SIPA1L3: variants seen among roughly 807,000 people sequenced by gnomAD.
SIPA1L3 encodes the protein signal-induced proliferation-associated 1-like protein 3.
SIPA1L3 carries 59 observed loss-of-function variants against 150.1 expected under a neutral mutation model. The ratio of observed to expected loss-of-function variants is 0.39; its 90% CI spans 0.32 to 0.49. The LOEUF (loss-of-function observed/expected upper bound fraction) is 0.49. Ranked by LOEUF, SIPA1L3 falls within the 20% of genes least tolerant of loss-of-function variation. SIPA1L3 has a pLI of 0.86. For synonymous variants in SIPA1L3, 1,070 were observed against 1,077.6 expected, an observed-to-expected ratio of 0.99 and a Z score of 0.14; for missense variants, 2,211 against 2,489.5, an observed-to-expected ratio of 0.89 and a Z score of 2.38.
chr19:38,166,183 C>CGGTGGCTCATTACA (rs1972204863), intron 15 of SIPA1L3, among the ~76,000 whole-genome samples: 1 of 151,590 alleles, frequency 6.6e-6, no homozygotes, highest in Non-Finnish European at 1.5e-5. Flanking sequence ...TGGCTGGAAA[C>CGGTGGCTCATTACA]GGTGGCTCAT....
intron 18 of SIPA1L3, among the ~76,000 whole-genome samples, chr19:38,194,475 C>T (rs879287925): frequency 2.6e-5 from 4 of 152,188 alleles, no homozygotes; most frequent in Non-Finnish European, 5.9e-5. Flanking sequence ...AGTCCCCCTA[C>T]TTAGTGCTAG....
intron 18 of SIPA1L3, among the ~76,000 whole-genome samples, chr19:38,197,003 T>C (rs578149070): frequency 1.3e-5 from 2 of 152,322 alleles, no homozygotes; most frequent in Admixed American, 1.3e-4. Flanking sequence ...GGAAAGCACG[T>C]AGTGTATACC....
intron 18 of SIPA1L3, 60 bp downstream of exon 18, chr19:38,193,840 G>T: frequency 6.8e-7 from 1 of 1,464,450 alleles, no homozygotes; most frequent in South Asian, 1.4e-5. Flanking sequence ...AGGTGGGGAT[G>T]CCCGAGCAGG....
At chr19:38,088,905 G>C in intron 4 of SIPA1L3, 54 bp downstream of exon 4, 2 of 1,593,588 alleles carry the variant, frequency 1.3e-6, no homozygotes, top group Admixed American at 3.4e-5. Context: ...CTCACATCTC[G>C]AGCCAGGTTC....
At chr19:38,027,701 T>TA (rs1293742927) in intron 1 of SIPA1L3, among the ~76,000 whole-genome samples, 1 of 148,058 alleles carries the variant, frequency 6.8e-6, no homozygotes, top group African/African-American at 2.5e-5. Context: ...TTTTTTTTTT[T>TA]AAACAGGGTC....
intron 1 of SIPA1L3, among the ~76,000 whole-genome samples, chr19:37,917,747 G>A (rs2046425175): frequency 6.6e-6 from 1 of 152,164 alleles, no homozygotes; most frequent in Admixed American, 6.5e-5. Context: ...GATCATACCT[G>A]TAATCCTAAC....
intron 1 of SIPA1L3, among the ~76,000 whole-genome samples, chr19:37,951,239 G>A (rs2046761172): frequency 6.6e-6 from 1 of 152,186 alleles, no homozygotes. Context: ...ATTCTTCTTA[G>A]GAAATACCCA....
At position 38,119,434 on chromosome 19, in the gene SIPA1L3, C is replaced by T. The variant is rs767973993; in HGVS notation, c.2420C>T (p.Ala807Val). 55 of 1,614,046 alleles carry T rather than the reference C, an allele frequency of 3.4e-5. No individual in the cohort carries two copies. Among genetic ancestry groups the T allele is most frequent in the Non-Finnish European group, 4.2e-5 (50 of 1,180,044 alleles). ...LAKVINAENA[A>V]HKSDKFHTMA... The stretch of plus-strand genomic sequence containing the variant: ...AAGGTGATTAACGCTGAGAACGCCG[C>T]GCACAAGTCCGACAAGTTCCACACC... Residue 807 changes from alanine to valine, a missense_variant, in exon 9 of 22, where the codon GCG (alanine) becomes GTG (valine). Physicochemically the swap from Ala to Val is moderately conservative, Grantham distance 64. Coordinates refer to ENST00000222345, the MANE Select transcript of SIPA1L3 (RefSeq NM_015073.3).
At chr19:38,087,216 A>G (rs1189793128) in intron 3 of SIPA1L3, among the ~76,000 whole-genome samples, 1 of 152,220 alleles carries the variant, frequency 6.6e-6, no homozygotes, top group Non-Finnish European at 1.5e-5. Context: ...AGTGCCTACT[A>G]TATGCTAGGA....
intron 1 of SIPA1L3, among the ~76,000 whole-genome samples, chr19:37,952,898 ATCCTGGGTGATTGCATACACT>A (rs1240195819): frequency 6.6e-6 from 1 of 152,032 alleles, no homozygotes; most frequent in East Asian, 1.9e-4. Context: ...TTTGAACACC[ATCCTGGGTGATTGCATACACT>A]TCAGAGTGTG....
At chr19:38,177,048 A>G (rs1338308129) in intron 15 of SIPA1L3, among the ~76,000 whole-genome samples, 1 of 152,110 alleles carries the variant, frequency 6.6e-6, no homozygotes, top group Non-Finnish European at 1.5e-5. Flanking sequence ...TGCAAGAAAT[A>G]CAGTGACTTT....
chr19:38,034,488 C>T (rs916585751), intron 2 of SIPA1L3, among the ~76,000 whole-genome samples: 1 of 151,548 alleles, frequency 6.6e-6, no homozygotes, highest in Non-Finnish European at 1.5e-5. Context: ...CTGTTCTTAG[C>T]CACTACACTT....
rs1270784842 is a variant in SIPA1L3, at chr19:38,046,154, A to G, written c.-311+16998A>G. Reference sequence around the variant, plus strand: ...GGTTGAGAGGAGCTTTCTATAGACGAGAAGGTGCCCTGGTTCTCGACTCAT... The same window carrying G: ...GGTTGAGAGGAGCTTTCTATAGACGGGAAGGTGCCCTGGTTCTCGACTCAT... On this transcript the variant is annotated intron_variant, in intron 2 of 21. Coordinates refer to ENST00000222345, the MANE Select transcript of SIPA1L3 (RefSeq NM_015073.3). This position sits in a 1 kb window ranked among gnomAD's most constrained non-coding sequence, Gnocchi z 5.6. 6.6e-6 allele frequency among the ~76,000 whole-genome samples: 1 copy of G among 152,038 alleles called. No individual in the cohort carries two copies. Among genetic ancestry groups the G allele is most frequent in the Non-Finnish European group, 1.5e-5 (1 of 68,010 alleles).
chr19:38,136,333 G>A (rs910290559), intron 10 of SIPA1L3, among the ~76,000 whole-genome samples: 4 of 152,030 alleles, frequency 2.6e-5, no homozygotes, highest in Non-Finnish European at 4.4e-5. Context: ...GCCAGACGCA[G>A]TGGCTCACAC....
intron 1 of SIPA1L3, among the ~76,000 whole-genome samples, chr19:37,918,620 A>C (rs1312412001): frequency 2.0e-5 from 3 of 151,820 alleles, no homozygotes; most frequent in African/African-American, 7.2e-5. Flanking sequence ...CTGTAATCCC[A>C]GCACTTTGGG....
chr19:38,048,867 G>A (rs1400351174), intron 2 of SIPA1L3, among the ~76,000 whole-genome samples: 1 of 152,158 alleles, frequency 6.6e-6, no homozygotes, highest in Admixed American at 6.5e-5. Flanking sequence ...GAGGCGGGCA[G>A]ATCATGAGGT....
At chr19:38,141,127 CA>C in intron 10 of SIPA1L3, 56 bp from the exon 11 acceptor site, 2 of 1,499,868 alleles carry the variant, frequency 1.3e-6, no homozygotes, top group Middle Eastern at 1.8e-4. Context: ...GCCTAGACAG[CA>C]GGCCCACGTG....
intron 20 of SIPA1L3, among the ~76,000 whole-genome samples, chr19:38,202,682 G>A (rs1422030803): frequency 6.6e-6 from 1 of 152,102 alleles, no homozygotes; most frequent in East Asian, 1.9e-4. Context: ...CCAATCTCCC[G>A]CCTGTCTGCT....
At chr19:38,020,254 G>T (rs1175826440) in intron 1 of SIPA1L3, among the ~76,000 whole-genome samples, 3 of 152,136 alleles carry the variant, frequency 2.0e-5, no homozygotes, top group African/African-American at 7.2e-5. Flanking sequence ...AGGAAACTGA[G>T]GCACAGAGAG....
Sources: gnomAD v4.1 joint callset for allele counts (sites outside exome capture counted in the v4.1 genomes callset) on GRCh38, gnomAD v4.1.1 for gene constraint, Gnocchi (gnomAD v3.1) non-coding constraint, MANE v1.5 for transcripts, NCBI Gene and HGNC (gene_info 2026-07-23, HGNC 2026-07-21) for gene names.